The following BMP5 variants were observed in gnomAD, a reference collection of about 807,000 sequenced individuals.
BMP5 encodes bone morphogenetic protein 5.
Under a neutral mutation model 46.6 loss-of-function variants are expected in BMP5, and 23 were observed. The observed-to-expected ratio is 0.49, with a 90% confidence interval of 0.35 to 0.70. The LOEUF is 0.70. BMP5 is among the 30% of genes least tolerant of loss of function. BMP5 has a pLI of 0.00. For synonymous variants in BMP5, 204 were observed against 191.9 expected, an observed-to-expected ratio of 1.06 and a Z score of -0.52; for missense variants, 545 against 565.6, an observed-to-expected ratio of 0.96 and a Z score of 0.37.
chr6:55,855,292 G>A (rs2127551571), intron 1 of BMP5, among the ~76,000 whole-genome samples: 1 of 151,430 alleles, frequency 6.6e-6, no homozygotes, highest in East Asian at 1.9e-4. Context: ...GGTCGAGGTG[G>A]AAGCATCACT....
intron 1 of BMP5, among the ~76,000 whole-genome samples, chr6:55,856,500 T>C (rs1320441533): frequency 6.6e-6 from 1 of 152,196 alleles, no homozygotes; most frequent in African/African-American, 2.4e-5. Context: ...CAGCAATTTA[T>C]ACGTGTTTTA....
At chr6:55,797,614 CTTT>C (rs60366569) in intron 2 of BMP5, among the ~76,000 whole-genome samples, 1 of 110,592 alleles carries the variant, frequency 9.0e-6, no homozygotes, top group Non-Finnish European at 1.8e-5. Context: ...ATTTTCTTTT[CTTT>C]TTTTTTTTTT....
At position 55,794,697 on chromosome 6, in the gene BMP5, C is replaced by T. The variant is rs533789983; in HGVS notation, c.684-270G>A. On this transcript the variant is annotated intron_variant, in intron 2 of 6. Coordinates refer to ENST00000370830, the MANE Select transcript of BMP5 (RefSeq NM_021073.4). ...TTGGCCTTTATAAACTGACTTAGTG[C>T]TCTTAATTTGATCCCTGGTCATCAG... Among the ~76,000 whole-genome samples the T allele has an allele frequency of 2.2e-4, 33 of 152,212 alleles. No individual in the cohort carries two copies. The South Asian group carries it at 5.8e-3, about 27-fold the overall frequency.
intron 1 of BMP5, among the ~76,000 whole-genome samples, chr6:55,863,603 A>T (rs1777572937): frequency 6.6e-6 from 1 of 152,198 alleles, no homozygotes; most frequent in Non-Finnish European, 1.5e-5. Flanking sequence ...TGCTACAACC[A>T]TACTAAGACC....
intron 1 of BMP5, among the ~76,000 whole-genome samples, chr6:55,857,679 T>A (rs1777432642): frequency 6.6e-6 from 1 of 152,146 alleles, no homozygotes; most frequent in Non-Finnish European, 1.5e-5. Context: ...AATTGAAAAA[T>A]AATGTATACA....
chr6:55,858,901 A>C lies in BMP5; in HGVS notation c.490+15475T>G, dbSNP rs1321568687. 5.3e-5 allele frequency among the ~76,000 whole-genome samples: 8 copies of C among 152,216 alleles called. No homozygotes were observed. The South Asian group carries it at 1.2e-3, about 24-fold the overall frequency. On this transcript the variant is annotated intron_variant, in intron 1 of 6. Coordinates refer to ENST00000370830, the MANE Select transcript of BMP5 (RefSeq NM_021073.4). ...CAAACACTGCATGTTTTCACTCATAAGTGGGAATTGAACAATGAGAACATA... is the reference window on the plus strand; with the variant it reads ...CAAACACTGCATGTTTTCACTCATACGTGGGAATTGAACAATGAGAACATA...
chr6:55,768,641 A>G (rs1015132687), intron 4 of BMP5, among the ~76,000 whole-genome samples: 6 of 151,976 alleles, frequency 3.9e-5, no homozygotes, highest in Non-Finnish European at 8.8e-5. Flanking sequence ...CGAAATCACC[A>G]TGGATGTAGG....
At chr6:55,772,163 G>A (rs1210681164) in intron 4 of BMP5, among the ~76,000 whole-genome samples, 1 of 151,774 alleles carries the variant, frequency 6.6e-6, no homozygotes, top group Non-Finnish European at 1.5e-5. Context: ...AGAAAATATT[G>A]GTCTATATTA....
intron 1 of BMP5, among the ~76,000 whole-genome samples, chr6:55,850,089 C>G (rs1280034671): frequency 1.3e-5 from 2 of 152,080 alleles, no homozygotes; most frequent in African/African-American, 2.4e-5. Context: ...AATACATCAC[C>G]TTTCCTTGAA....
chr6:55,844,477 T>C lies in BMP5; in HGVS notation c.491-24630A>G, dbSNP rs149985120. ...CGCATATTTGTGAACTTATTTTTAATGTTATATATTTAACTTAGAAGTGAT... is the reference window on the plus strand; with the variant it reads ...CGCATATTTGTGAACTTATTTTTAACGTTATATATTTAACTTAGAAGTGAT... On this transcript the variant is annotated intron_variant, in intron 1 of 6. Coordinates refer to ENST00000370830, the MANE Select transcript of BMP5 (RefSeq NM_021073.4). Among the ~76,000 whole-genome samples the C allele has an allele frequency of 4.7e-3, 709 of 152,134 alleles. 4 individuals carry two copies. Among genetic ancestry groups the C allele is most frequent in the African/African-American group, 0.016 (664 of 41,548 alleles).
chr6:55,794,203 T>G, intron 3 of BMP5, 76 bp downstream of exon 3: 1 of 1,487,716 alleles, frequency 6.7e-7, no homozygotes, highest in Non-Finnish European at 9.3e-7. Context: ...ATATATTGGT[T>G]ATATCACATA....
intron 3 of BMP5, among the ~76,000 whole-genome samples, chr6:55,780,112 A>T (rs1013094871): frequency 3.3e-5 from 5 of 151,880 alleles, no homozygotes; most frequent in Non-Finnish European, 1.5e-5. Context: ...TGCCAGTATT[A>T]TATATTGATA....
chr6:55,766,583 T>C (rs1774922050), intron 4 of BMP5, among the ~76,000 whole-genome samples: 1 of 152,102 alleles, frequency 6.6e-6, no homozygotes, highest in South Asian at 2.1e-4. Flanking sequence ...CTAATCATTA[T>C]TTGAGTTTTC....
chr6:55,806,543 GC>G (rs1429388236), intron 2 of BMP5, among the ~76,000 whole-genome samples: 1 of 152,084 alleles, frequency 6.6e-6, no homozygotes, highest in Non-Finnish European at 1.5e-5. Context: ...GAATGTCTTG[GC>G]TCTACAGACT....
chr6:55,826,403 AAAC>A (rs1338965057), intron 1 of BMP5, among the ~76,000 whole-genome samples: 2 of 151,818 alleles, frequency 1.3e-5, no homozygotes, highest in East Asian at 1.9e-4. Context: ...TACTATAACT[AAAC>A]AAATTGATTT....
At chr6:55,827,452 T>C (rs555534457) in intron 1 of BMP5, among the ~76,000 whole-genome samples, 5 of 151,930 alleles carry the variant, frequency 3.3e-5, no homozygotes, top group Admixed American at 6.6e-5. Context: ...TTGTATTTAC[T>C]TGACATCTTG....
intron 4 of BMP5, among the ~76,000 whole-genome samples, chr6:55,771,605 G>GA (rs1554178255): frequency 2.0e-5 from 3 of 151,692 alleles, no homozygotes; most frequent in African/African-American, 4.8e-5. Context: ...GAATATGGAA[G>GA]AAAAAAAGAA....
intron 4 of BMP5, 139 bp from the exon 5 acceptor site, chr6:55,760,672 A>G: frequency 1.4e-6 from 1 of 712,450 alleles, no homozygotes; most frequent in South Asian, 1.8e-5. Context: ...TAAAGTTAGA[A>G]CTACTTACTA....
intron 4 of BMP5, among the ~76,000 whole-genome samples, chr6:55,771,635 A>G (rs1775049031): frequency 6.6e-6 from 1 of 151,922 alleles, no homozygotes; most frequent in Non-Finnish European, 1.5e-5. Flanking sequence ...GTCAGAAGGA[A>G]GAATCGTTGA....
Sources: allele counts gnomAD v4.1 joint callset (sites outside exome capture counted in the v4.1 genomes callset), GRCh38; gene constraint gnomAD v4.1.1; transcripts MANE v1.5; gene names NCBI Gene and HGNC (gene_info 2026-07-23, HGNC 2026-07-21).